RRAS2: variants seen among roughly 807,000 people sequenced by gnomAD.
RRAS2 encodes the protein ras-related protein R-Ras2.
RRAS2 carries 7 observed loss-of-function variants against 27.6 expected under a neutral mutation model. The ratio of observed to expected loss-of-function variants is 0.25; its 90% CI spans 0.14 to 0.48. The LOEUF is 0.48. RRAS2 is among the 20% of genes least tolerant of loss of function. The pLI is 0.99. For missense variants in RRAS2, 178 were observed against 256.2 expected, an observed-to-expected ratio of 0.69 and a Z score of 2.08; for synonymous variants, 86 against 90.9, an observed-to-expected ratio of 0.95 and a Z score of 0.31.
At chr11:14,331,500 A>T (rs1231241303) in intron 1 of RRAS2, among the ~76,000 whole-genome samples, 1 of 152,138 alleles carries the variant, frequency 6.6e-6, no homozygotes, top group Non-Finnish European at 1.5e-5. Flanking sequence ...AATAGTTAAC[A>T]AAACAAGGTT....
At chr11:14,340,762 C>G (rs1848689202) in intron 1 of RRAS2, among the ~76,000 whole-genome samples, 1 of 152,140 alleles carries the variant, frequency 6.6e-6, no homozygotes, top group South Asian at 2.1e-4. Context: ...ATCCAAACCT[C>G]TAAACTCAAG....
At chr11:14,345,957 T>C (rs1346479311) in intron 1 of RRAS2, among the ~76,000 whole-genome samples, 1 of 152,184 alleles carries the variant, frequency 6.6e-6, no homozygotes, top group Admixed American at 6.5e-5. Flanking sequence ...GAAAAACAAA[T>C]ATATTCTTCC....
At chr11:14,282,452 G>C (rs1439767100) in intron 4 of RRAS2, among the ~76,000 whole-genome samples, 1 of 152,102 alleles carries the variant, frequency 6.6e-6, no homozygotes, top group African/African-American at 2.4e-5. Flanking sequence ...TGGCAGGTCA[G>C]AATAAGAAAA....
chr11:14,358,752 G>T lies in RRAS2; in HGVS notation c.108+11C>A. The T allele has an allele frequency of 7.2e-7, 1 of 1,395,002 alleles. No individual in the cohort carries two copies. Among genetic ancestry groups the T allele is most frequent in the Non-Finnish European group, 9.4e-7 (1 of 1,060,634 alleles). 86.4% of individuals were successfully genotyped at this position (1,395,002 alleles called of 1,614,324 possible). The stretch of plus-strand genomic sequence containing the variant: ...CCGCTCCGGCGCCCCGGGCAGGCCC[G>T]CTCCAGGTACCTGGATGAACTGGAT... On this transcript the variant is annotated intron_variant, in intron 1 of 5. Coordinates refer to ENST00000256196, the MANE Select transcript of RRAS2 (RefSeq NM_012250.6). This position sits in a 1 kb window ranked among gnomAD's most constrained non-coding sequence, Gnocchi z 5.1.
chr11:14,300,186 T>G (rs1057079152), intron 1 of RRAS2, among the ~76,000 whole-genome samples: 1 of 152,098 alleles, frequency 6.6e-6, no homozygotes, highest in African/African-American at 2.4e-5. Context: ...TGTTTCCTGA[T>G]AGACATGAAA....
chr11:14,341,967 A>G (rs1371851169), intron 1 of RRAS2: 1 of 427,264 alleles, frequency 2.3e-6, no homozygotes, highest in Non-Finnish European at 4.2e-6. Flanking sequence ...ATTAGTAATC[A>G]TATGATAGTA....
chr11:14,322,310 C>T (rs1439797362), intron 1 of RRAS2, among the ~76,000 whole-genome samples: 1 of 151,636 alleles, frequency 6.6e-6, no homozygotes, highest in African/African-American at 2.4e-5. Context: ...CATGGTGGTG[C>T]ACACCTGTAG....
chr11:14,345,120 G>A (rs571326915), intron 1 of RRAS2, among the ~76,000 whole-genome samples: 1 of 151,470 alleles, frequency 6.6e-6, no homozygotes, highest in South Asian at 2.1e-4. Flanking sequence ...TCAAGTAGCT[G>A]GGATTATTGG....
intron 1 of RRAS2, among the ~76,000 whole-genome samples, chr11:14,339,072 C>A (rs1369263545): frequency 6.6e-6 from 1 of 151,946 alleles, no homozygotes; most frequent in Non-Finnish European, 1.5e-5. Flanking sequence ...AGCCAAATAC[C>A]CAAACAGGCC....
rs1273558582 is a variant in RRAS2 at position 14,359,059 on chromosome 11, C to G, written c.-189G>C. 9.1e-7 allele frequency: 1 copy of G among 1,103,184 alleles called. No individual in the cohort carries two copies. Among genetic ancestry groups the G allele is most frequent in the African/African-American group, 1.7e-5 (1 of 60,108 alleles). 68.3% of individuals were successfully genotyped at this position (1,103,184 alleles called of 1,614,324 possible). A position where few individuals can be genotyped will look rare whatever the true frequency, so the allele number is the denominator to read the frequency against. On this transcript the variant is annotated 5_prime_UTR_variant, in exon 1 of 6. Transcript: ENST00000256196. ...CGCTGGGGACTGGCTGGGTACCGCC[C>G]GAGGCGCGGAGAAGCGGGGTGACGG...
intron 1 of RRAS2, among the ~76,000 whole-genome samples, chr11:14,306,552 G>A (rs1019794128): frequency 1.3e-5 from 2 of 152,036 alleles, no homozygotes; most frequent in African/African-American, 4.8e-5. Context: ...TCTCAACTGT[G>A]GGGCGAAGTC....
At chr11:14,331,784 T>C (rs1225732845) in intron 1 of RRAS2, among the ~76,000 whole-genome samples, 1 of 150,906 alleles carries the variant, frequency 6.6e-6, no homozygotes, top group Admixed American at 6.6e-5. Context: ...TAGAAGAAAC[T>C]ATCTGTAATA....
At chr11:14,363,792 C>T (rs1319144515), upstream of RRAS2, among the ~76,000 whole-genome samples, 1 of 149,906 alleles carries the variant, frequency 6.7e-6, no homozygotes, top group East Asian at 2.0e-4. Context: ...TAAAATAGGC[C>T]AGGCATGGTG....
At chr11:14,304,128 C>T (rs1847777357) in intron 1 of RRAS2, among the ~76,000 whole-genome samples, 1 of 152,178 alleles carries the variant, frequency 6.6e-6, no homozygotes, top group African/African-American at 2.4e-5. Flanking sequence ...TGCTCTGCTG[C>T]CTCAGGGCTA....
At chr11:14,284,227 G>A (rs1849609715) in intron 4 of RRAS2, among the ~76,000 whole-genome samples, 2 of 151,976 alleles carry the variant, frequency 1.3e-5, no homozygotes, top group South Asian at 2.1e-4. Context: ...TTGATGTTGT[G>A]TTCTAATTTT....
intron 1 of RRAS2, among the ~76,000 whole-genome samples, chr11:14,303,342 A>G (rs1365684426): frequency 6.6e-6 from 1 of 152,260 alleles, no homozygotes; most frequent in African/African-American, 2.4e-5. Flanking sequence ...GGGTATAAGC[A>G]TAAAACTTTC....
At chr11:14,305,971 G>A (rs1487679002) in intron 1 of RRAS2, among the ~76,000 whole-genome samples, 2 of 152,108 alleles carry the variant, frequency 1.3e-5, no homozygotes, top group African/African-American at 4.8e-5. Context: ...CTTGAGCCCA[G>A]GAGTTAGAGG....
In RRAS2 at chr11:14,324,861, T is replaced by C. The variant is rs146651965; in HGVS notation, c.109-29006A>G. Reference sequence around the variant, plus strand: ...ATAAATCCACATGAATGAAATTCGATATATAAATAGAAGAGCAGATCATAG... The same window carrying C: ...ATAAATCCACATGAATGAAATTCGACATATAAATAGAAGAGCAGATCATAG... On this transcript the variant is annotated intron_variant, in intron 1 of 5. Transcript: ENST00000256196. Among the ~76,000 whole-genome samples, 640 of 152,256 alleles carry C rather than the reference T, an allele frequency of 4.2e-3. 1 individual carries two copies. Among genetic ancestry groups the C allele is most frequent in the Non-Finnish European group, 6.5e-3 (439 of 68,022 alleles).
chr11:14,285,385 A>C (rs1192052233), intron 4 of RRAS2, among the ~76,000 whole-genome samples: 2 of 152,204 alleles, frequency 1.3e-5, no homozygotes, highest in African/African-American at 4.8e-5. Flanking sequence ...CCCGTCTCTC[A>C]AGAAAAAAAC....
Sources: gnomAD v4.1 joint callset for allele counts (sites outside exome capture counted in the v4.1 genomes callset) on GRCh38, gnomAD v4.1.1 for gene constraint, Gnocchi (gnomAD v3.1) non-coding constraint, MANE v1.5 for transcripts, NCBI Gene and HGNC (gene_info 2026-07-23, HGNC 2026-07-21) for gene names.